BABAM2: variants seen among roughly 807,000 people sequenced by gnomAD.
BABAM2 encodes BRISC and BRCA1-A complex member 2.
Under a neutral mutation model 54.7 loss-of-function variants are expected in BABAM2, and 31 were observed. The ratio of observed to expected loss-of-function variants is 0.57; its 90% confidence interval spans 0.43 to 0.77. BABAM2 has a LOEUF of 0.77. BABAM2 is among the 30% of genes least tolerant of loss of function. BABAM2 has a pLI of 0.00. For synonymous variants in BABAM2, 167 were observed against 162.9 expected, an observed-to-expected ratio of 1.03 and a Z score of -0.19; for missense variants, 364 against 455.8, an observed-to-expected ratio of 0.80 and a Z score of 1.83.
intron 10 of BABAM2, among the ~76,000 whole-genome samples, chr2:28,284,890 G>A (rs181157950): frequency 3.3e-5 from 5 of 152,272 alleles, no homozygotes; most frequent in Non-Finnish European, 1.5e-5. Context: ...ATGAAGACCT[G>A]CTATGTGCCA....
At chr2:27,920,296 T>C (rs1667258096) in intron 2 of BABAM2, among the ~76,000 whole-genome samples, 1 of 152,200 alleles carries the variant, frequency 6.6e-6, no homozygotes, top group African/African-American at 2.4e-5. Context: ...AGGCTGAATA[T>C]GTAAGATTCC....
At chr2:28,096,864 T>C (rs1666676466) in intron 6 of BABAM2, among the ~76,000 whole-genome samples, 2 of 152,232 alleles carry the variant, frequency 1.3e-5, no homozygotes, top group South Asian at 2.1e-4. Flanking sequence ...CAGAGTAGAA[T>C]TATTGGGCCA....
chr2:28,158,200 A>G (rs1040268800), intron 7 of BABAM2, among the ~76,000 whole-genome samples: 1 of 152,238 alleles, frequency 6.6e-6, no homozygotes, highest in Non-Finnish European at 1.5e-5. Context: ...GAAACAACTA[A>G]TGAACATAGA....
intron 5 of BABAM2, among the ~76,000 whole-genome samples, chr2:28,033,800 G>GTT (rs11399848): frequency 0.018 from 2,705 of 148,466 alleles, 43 homozygotes; most frequent in African/African-American, 0.048. Flanking sequence ...TGATTAAAGT[G>GTT]TTTTTTTTTT....
At chr2:27,999,171 C>CT (rs371812708) in intron 4 of BABAM2, among the ~76,000 whole-genome samples, 4 of 151,952 alleles carry the variant, frequency 2.6e-5, no homozygotes, top group African/African-American at 7.3e-5. Context: ...ACCAGGCACA[C>CT]TAAGATTTTT....
chr2:28,233,246 C>T (rs189682736), intron 7 of BABAM2: 23 of 471,306 alleles, frequency 4.9e-5, no homozygotes, highest in Admixed American at 4.7e-4. Context: ...CTTTCATCTC[C>T]TCATAATTCT....
chr2:27,926,213 G>A (rs1478968400), intron 2 of BABAM2, among the ~76,000 whole-genome samples: 1 of 151,790 alleles, frequency 6.6e-6, no homozygotes, highest in Non-Finnish European at 1.5e-5. Context: ...GCAACCACTT[G>A]CAGGTCCAGT....
At chr2:28,160,092 C>T (rs1279200436) in intron 7 of BABAM2, among the ~76,000 whole-genome samples, 1 of 152,114 alleles carries the variant, frequency 6.6e-6, no homozygotes, top group Admixed American at 6.6e-5. Context: ...AGTGATCCTC[C>T]TCCATGAGCC....
chr2:28,252,638 A>G (rs1457235749), intron 10 of BABAM2, among the ~76,000 whole-genome samples: 1 of 152,212 alleles, frequency 6.6e-6, no homozygotes, highest in Non-Finnish European at 1.5e-5. Context: ...TTCACTGGGA[A>G]TATTGTCTTC....
chr2:28,320,486 T>A (rs1167733213), intron 11 of BABAM2, among the ~76,000 whole-genome samples: 3 of 152,228 alleles, frequency 2.0e-5, no homozygotes, highest in Non-Finnish European at 4.4e-5. Context: ...GAAACATCTG[T>A]GCACATCAGG....
At chr2:28,082,353 A>G (rs1001794058) in intron 6 of BABAM2, among the ~76,000 whole-genome samples, 1 of 152,234 alleles carries the variant, frequency 6.6e-6, no homozygotes, top group Non-Finnish European at 1.5e-5. Context: ...AAAGATAAAA[A>G]GAAGAGCAGA....
chr2:27,961,883 G>T (rs190515017), intron 3 of BABAM2, among the ~76,000 whole-genome samples: 134 of 151,120 alleles, frequency 8.9e-4, no homozygotes, highest in Non-Finnish European at 2.8e-4. Context: ...ATGCACCCCC[G>T]CATCTGGCTA....
At chr2:28,065,540 A>G (rs967723476) in intron 6 of BABAM2, among the ~76,000 whole-genome samples, 6 of 152,154 alleles carry the variant, frequency 3.9e-5, no homozygotes, top group African/African-American at 7.2e-5. Context: ...AGCTTGAAGG[A>G]GCTTCTAGGA....
chr2:28,012,434 A>C (rs1674463894), intron 4 of BABAM2, among the ~76,000 whole-genome samples: 1 of 152,210 alleles, frequency 6.6e-6, no homozygotes, highest in African/African-American at 2.4e-5. Flanking sequence ...TCATAAGTCA[A>C]ATTTTAGCCT....
chr2:28,004,926 C>T (rs1046876433), intron 4 of BABAM2, among the ~76,000 whole-genome samples: 5 of 152,030 alleles, frequency 3.3e-5, no homozygotes, highest in Admixed American at 2.0e-4. Context: ...GCCTAGTTAG[C>T]GCCTCTGGGA....
intron 10 of BABAM2, among the ~76,000 whole-genome samples, chr2:28,250,557 A>G (rs1683357504): frequency 6.7e-6 from 1 of 148,368 alleles, no homozygotes; most frequent in African/African-American, 2.5e-5. Flanking sequence ...TTCTGTCATT[A>G]CTATAAACAA....
intron 11 of BABAM2, among the ~76,000 whole-genome samples, chr2:28,311,779 T>C (rs545222244): frequency 1.3e-5 from 2 of 152,330 alleles, no homozygotes; most frequent in East Asian, 3.9e-4. Flanking sequence ...TTTTTATTCA[T>C]GTTGAGAAAC....
chr2:27,980,170 CT>C (rs987703686), intron 3 of BABAM2, among the ~76,000 whole-genome samples: 1 of 151,816 alleles, frequency 6.6e-6, no homozygotes, highest in Non-Finnish European at 1.5e-5. Context: ...ACACTTCTTC[CT>C]TTTTTTTAAA....
chr2:28,189,345 G>T (rs1253912742), intron 7 of BABAM2, among the ~76,000 whole-genome samples: 51 of 152,146 alleles, frequency 3.4e-4, no homozygotes, highest in Admixed American at 3.3e-3. Context: ...AAGAATTAAA[G>T]AATACAGCAG....
Sources: gnomAD v4.1 joint callset for allele counts (sites outside exome capture counted in the v4.1 genomes callset) on GRCh38, gnomAD v4.1.1 for gene constraint, MANE v1.5 for transcripts, NCBI Gene and HGNC (gene_info 2026-07-23, HGNC 2026-07-21) for gene names.